The following RAB38 variants were observed in gnomAD, a reference collection of about 807,000 sequenced individuals.
RAB38 encodes ras-related protein Rab-38.
RAB38 carries 15 observed loss-of-function variants against 18.4 expected under a neutral mutation model. The observed-to-expected ratio is 0.82, with a 90% CI of 0.55 to 1.26. RAB38 has a LOEUF of 1.26. Ranked by LOEUF, RAB38 falls within the 50% of genes most tolerant of loss-of-function variation. The pLI is 0.00. For missense variants in RAB38, 294 were observed against 267.4 expected, an observed-to-expected ratio of 1.10 and a Z score of -0.69; for synonymous variants, 101 against 104.4, an observed-to-expected ratio of 0.97 and a Z score of 0.20.
At chr11:88,066,431 A>G in the RAB38 span, among the ~76,000 whole-genome samples, 2 of 152,212 alleles carry the variant, frequency 1.3e-5, no homozygotes, top group Non-Finnish European at 2.9e-5. Context: ...TCTATCTCCA[A>G]TGAAATAAGA....
At chr11:88,087,870 G>C in the RAB38 span, among the ~76,000 whole-genome samples, 1 of 151,834 alleles carries the variant, frequency 6.6e-6, no homozygotes, top group Non-Finnish European at 1.5e-5. Context: ...ACCAGATCCC[G>C]TTTTGGTCAG....
intron 2 of RAB38, among the ~76,000 whole-genome samples, chr11:88,131,499 T>A (rs1565212188): frequency 6.6e-6 from 1 of 152,200 alleles, no homozygotes; most frequent in Non-Finnish European, 1.5e-5. Context: ...ACTGCAGTTA[T>A]GACTAATGAA....
chr11:88,031,545 A>C, the RAB38 span, among the ~76,000 whole-genome samples: 1 of 152,052 alleles, frequency 6.6e-6, no homozygotes, highest in Non-Finnish European at 1.5e-5. Flanking sequence ...AGGATACAAA[A>C]TCAATGTACA....
the RAB38 span, among the ~76,000 whole-genome samples, chr11:87,913,893 C>G: frequency 6.6e-6 from 1 of 152,012 alleles, no homozygotes; most frequent in South Asian, 2.1e-4. Flanking sequence ...GTTCCGCCGG[C>G]AAGAGGACCT....
At chr11:88,174,000 A>C in intron 1 of RAB38, 1 of 985,096 alleles carries the variant, frequency 1.0e-6, no homozygotes, top group Non-Finnish European at 1.2e-6. Context: ...TTTCTGAAAC[A>C]GAAGTGGCTA....
At chr11:87,970,281 A>C in the RAB38 span, among the ~76,000 whole-genome samples, 2 of 152,106 alleles carry the variant, frequency 1.3e-5, no homozygotes, top group African/African-American at 4.8e-5. Context: ...CAAAATTTTA[A>C]GTAAAATCAG....
the RAB38 span, among the ~76,000 whole-genome samples, chr11:87,840,316 G>A: frequency 6.6e-6 from 1 of 152,208 alleles, no homozygotes; most frequent in East Asian, 1.9e-4. Context: ...AACATGGGAA[G>A]TCATGATGGG....
the RAB38 span, among the ~76,000 whole-genome samples, chr11:87,909,682 T>C: frequency 1.4e-3 from 210 of 152,188 alleles, no homozygotes; most frequent in African/African-American, 4.9e-3. Context: ...ATTCATACAG[T>C]ATATGCTCTT....
intron 2 of RAB38, among the ~76,000 whole-genome samples, chr11:88,128,746 T>C (rs1467186825): frequency 6.6e-6 from 1 of 152,208 alleles, no homozygotes; most frequent in Non-Finnish European, 1.5e-5. Flanking sequence ...CTCTGATGAC[T>C]TTAGTTTCAG....
At chr11:88,163,194 G>T (rs1313722936) in intron 1 of RAB38, among the ~76,000 whole-genome samples, 1 of 151,880 alleles carries the variant, frequency 6.6e-6, no homozygotes, top group African/African-American at 2.4e-5. Context: ...TACTATATTC[G>T]GTGTCTCCAT....
At chr11:88,147,844 G>T (rs1012161349) in intron 2 of RAB38, among the ~76,000 whole-genome samples, 13 of 152,064 alleles carry the variant, frequency 8.5e-5, no homozygotes, top group African/African-American at 3.1e-4. Flanking sequence ...AGTGAGCCGA[G>T]ACCATGCCAT....
chr11:88,099,335 G>A, the RAB38 span, among the ~76,000 whole-genome samples: 1 of 147,170 alleles, frequency 6.8e-6, no homozygotes, highest in Non-Finnish European at 1.5e-5. Flanking sequence ...AGAGCTCAAG[G>A]AAATCCCTTT....
the RAB38 span, among the ~76,000 whole-genome samples, chr11:87,955,776 A>T: frequency 6.6e-6 from 1 of 152,004 alleles, no homozygotes; most frequent in Non-Finnish European, 1.5e-5. Context: ...TTTCTATAAA[A>T]TATTGGTTTT....
chr11:88,108,856 G>A (rs1942436876), downstream of RAB38, among the ~76,000 whole-genome samples: 1 of 152,078 alleles, frequency 6.6e-6, no homozygotes, highest in East Asian at 1.9e-4. Context: ...CTCAGCATTT[G>A]CCTTGTCTCT....
At chr11:88,031,932 A>G in the RAB38 span, among the ~76,000 whole-genome samples, 1 of 151,842 alleles carries the variant, frequency 6.6e-6, no homozygotes, top group African/African-American at 2.4e-5. Context: ...GTCAATCCTA[A>G]GCCAAAAGAA....
At chr11:87,881,233 T>G in the RAB38 span, among the ~76,000 whole-genome samples, 2 of 151,870 alleles carry the variant, frequency 1.3e-5, no homozygotes, top group South Asian at 4.1e-4. Flanking sequence ...GTAGGTTGTT[T>G]GGATAATACA....
the RAB38 span, among the ~76,000 whole-genome samples, chr11:88,084,955 A>G: frequency 6.6e-6 from 1 of 152,040 alleles, no homozygotes; most frequent in Middle Eastern, 3.4e-3. Flanking sequence ...TTAAGGTGTG[A>G]AGAAATTAAT....
the RAB38 span, among the ~76,000 whole-genome samples, chr11:88,084,135 G>A: frequency 6.6e-6 from 1 of 151,816 alleles, no homozygotes; most frequent in Non-Finnish European, 1.5e-5. Flanking sequence ...TTGGATGGGG[G>A]GAGTAATAAT....
the RAB38 span, among the ~76,000 whole-genome samples, chr11:87,885,028 C>G: frequency 2.0e-5 from 3 of 151,948 alleles, no homozygotes; most frequent in Admixed American, 6.6e-5. Context: ...GGTCCCATGT[C>G]AGAACAATCA....
Sources: allele counts gnomAD v4.1 joint callset (sites outside exome capture counted in the v4.1 genomes callset), GRCh38; gene constraint gnomAD v4.1.1; transcripts MANE v1.5; gene names NCBI Gene and HGNC (gene_info 2026-07-23, HGNC 2026-07-21).